Variants in HRAS observed in about 807,000 individuals in gnomAD.
The protein encoded by HRAS is GTPase HRas.
HRAS carries 11 observed loss-of-function variants against 19.8 expected under a neutral mutation model. The ratio of observed to expected loss-of-function variants is 0.55; its 90% CI spans 0.35 to 0.92. HRAS has a LOEUF of 0.92. Ranked by LOEUF, HRAS falls within the 40% of genes least tolerant of loss-of-function variation. The pLI, the probability that HRAS is intolerant of heterozygous loss-of-function variation, is 0.01. For synonymous variants in HRAS, 149 were observed against 105.5 expected, an observed-to-expected ratio of 1.41 and a Z score of -2.52; for missense variants, 204 against 255.9, an observed-to-expected ratio of 0.80 and a Z score of 1.38.
At chr11:533,642 G>C (rs375983338) in intron 3 of HRAS, 30 bp from the exon 4 acceptor site, 58 of 1,613,260 alleles carry the variant, frequency 3.6e-5, no homozygotes, top group African/African-American at 8.0e-5. Flanking sequence ...AGCTGGCTAC[G>C]GGGGCTGCAG....
At chr11:534,102 G>A (rs1002344219) in intron 2 of HRAS, 110 bp downstream of exon 2, 3 of 1,169,220 alleles carry the variant, frequency 2.6e-6, no homozygotes, top group Middle Eastern at 1.9e-4. Flanking sequence ...GCAGGAGACA[G>A]GGCCACAGCA....
At chr11:534,556 C>T (rs949494511) in intron 1 of HRAS, 181 bp from the exon 2 acceptor site, 1 of 590,180 alleles carries the variant, frequency 1.7e-6, no homozygotes, top group Non-Finnish European at 3.0e-6. Flanking sequence ...GGGCTGTCGC[C>T]TCGCCCCCAC....
Position 533,953 on chromosome 11 carries a change from G to A in HRAS, c.112-9C>T, listed in dbSNP as rs1851288449. ...TGCTTCCGGTAGGAATCCTGCAGGA[G>A]GACAGGGCTCAGGGACCCCCTCAGG... On this transcript the variant is annotated splice_polypyrimidine_tract_variant and intron_variant, in intron 2 of 5. Transcript: ENST00000311189. The A allele has an allele frequency of 4.3e-6, 7 of 1,609,288 alleles. No homozygotes were observed. The highest frequency in any genetic ancestry group is 5.1e-6 in the Non-Finnish European group (6 of 1,179,922).
intron 4 of HRAS, chr11:533,140 C>T (rs1368496124): frequency 8.2e-5 from 65 of 795,918 alleles, no homozygotes; most frequent in Non-Finnish European, 1.0e-4. Flanking sequence ...CCAGGGTCAC[C>T]GCTCCGGCCT....
chr11:534,604 G>A, intron 1 of HRAS: 1 of 543,556 alleles, frequency 1.8e-6, no homozygotes, highest in Non-Finnish European at 3.3e-6. Flanking sequence ...AAGGGACCCA[G>A]CCCTCAAAGG....
rs1361126571 is a variant in HRAS, at chr11:532,631, C to T, written c.*5G>A. ...CGGCCGCCCTGGGAGTCCCCCTCACCTGCGTCAGGAGAGCACACACTTGCA... is the reference window on the plus strand; with the variant it reads ...CGGCCGCCCTGGGAGTCCCCCTCACTTGCGTCAGGAGAGCACACACTTGCA... On this transcript the variant is annotated splice_region_variant and 3_prime_UTR_variant, in exon 5 of 6. Transcript: ENST00000311189. The T allele has an allele frequency of 1.9e-6, 3 of 1,610,430 alleles. 1 individual carries two copies. Among genetic ancestry groups the T allele is most frequent in the Middle Eastern group, 3.3e-4 (2 of 6,072 alleles).
Position 534,266 on chromosome 11 carries a change from C to T in HRAS, c.57G>A (p.Leu19=), listed in dbSNP as rs761648389. The change falls in exon 2 of 6, where the codon CTG becomes CTA. Residue 19 remains leucine, a synonymous_variant. Coordinates refer to ENST00000311189, the MANE Select transcript of HRAS (RefSeq NM_005343.4). ...VGAGGVGKSA[L]TIQLIQNHFV... is the part of the protein sequence containing the mutation. The stretch of plus-strand genomic sequence containing the variant: ...AATGGTTCTGGATCAGCTGGATGGT[C>T]AGCGCACTCTTGCCCACACCGCCGG... The T allele has an allele frequency of 2.5e-6, 4 of 1,613,702 alleles. No individual in the cohort carries two copies. Among genetic ancestry groups the T allele is most frequent in the Non-Finnish European group, 3.4e-6 (4 of 1,179,948 alleles).
Position 533,900 on chromosome 11 carries a change from C to A in HRAS, c.156G>T (p.Leu52=), listed in dbSNP as rs1060504681. The change falls in exon 3 of 6, where the codon CTG becomes CTT. Residue 52 remains leucine (L), a synonymous_variant. Transcript: ENST00000311189. ...GGCCGGCGGTATCCAGGATGTCCAA[C>A]AGGCACGTCTCCCCATCAATGACCA... ...KQVVIDGETC[L]LDILDTAGQE... 5 of 1,613,102 alleles carry A rather than the reference C, an allele frequency of 3.1e-6. No individual in the cohort carries two copies. Among genetic ancestry groups the A allele is most frequent in the Non-Finnish European group, 4.2e-6 (5 of 1,180,016 alleles).
At position 534,831 on chromosome 11, in the gene HRAS, T is replaced by C. The variant is rs113041184; in HGVS notation, c.-53-456A>G. On this transcript the variant is annotated intron_variant, in intron 1 of 5. Coordinates refer to ENST00000311189, the MANE Select transcript of HRAS (RefSeq NM_005343.4). ...CGACAAGTATTTGCTGAGCGCCTAC[T>C]GCGTACTAGGCGCCGCCGAGGGGAG... Among the ~76,000 whole-genome samples, 762 of 152,230 alleles carry C rather than the reference T, an allele frequency of 5.0e-3. 10 individuals carry two copies. The highest frequency in any genetic ancestry group is 8.2e-3 in the Non-Finnish European group (554 of 67,974).
At chr11:534,940 C>T (rs1452517679) in intron 1 of HRAS, among the ~76,000 whole-genome samples, 1 of 152,244 alleles carries the variant, frequency 6.6e-6, no homozygotes, top group Non-Finnish European at 1.5e-5. Flanking sequence ...GACAGAGGAG[C>T]TCCTGGGAAG....
intron 1 of HRAS, among the ~76,000 whole-genome samples, chr11:534,915 C>G (rs1851367003): frequency 6.6e-6 from 1 of 152,220 alleles, no homozygotes; most frequent in Non-Finnish European, 1.5e-5. Context: ...CTTTCAGCCA[C>G]AGAAAGCTGG....
intron 4 of HRAS, 83 bp from the exon 5 acceptor site, chr11:532,838 C>T (rs373475288): frequency 1.4e-6 from 2 of 1,416,616 alleles, no homozygotes; most frequent in East Asian, 2.3e-5. Flanking sequence ...GGGATCAAGC[C>T]TTGCCTGGCC....
chr11:534,968 GA>G (rs1043700304), intron 1 of HRAS, among the ~76,000 whole-genome samples: 4 of 152,228 alleles, frequency 2.6e-5, no homozygotes, highest in Non-Finnish European at 5.9e-5. Context: ...TGAGCGACAG[GA>G]AGGGGCCGAG....
intron 5 of HRAS, 47 bp downstream of exon 5, chr11:532,584 C>T (rs1471470857): frequency 1.5e-5 from 23 of 1,585,390 alleles, no homozygotes; most frequent in African/African-American, 9.4e-5. Flanking sequence ...GGCGGGGAGC[C>T]GGGGTCATCC....
intron 3 of HRAS, 29 bp from the exon 4 acceptor site, chr11:533,641 C>CG (rs1564789221): frequency 1.2e-6 from 2 of 1,613,432 alleles, no homozygotes; most frequent in South Asian, 2.2e-5. Flanking sequence ...GAGCTGGCTA[C>CG]GGGGGCTGCA....
In HRAS at chr11:532,615, T is replaced by C. The variant is rs1474696841; in HGVS notation, c.*5+16A>G. The C allele has an allele frequency of 6.2e-7, 1 of 1,605,494 alleles. No individual in the cohort carries two copies. Among genetic ancestry groups the C allele is most frequent in the South Asian group, 1.1e-5 (1 of 90,862 alleles). On this transcript the variant is annotated intron_variant, in intron 5 of 5. Transcript: ENST00000311189. The stretch of plus-strand genomic sequence containing the variant: ...CATCCGGTGGGCGTGGCGGCCGCCC[T>C]GGGAGTCCCCCTCACCTGCGTCAGG...
intron 1 of HRAS, among the ~76,000 whole-genome samples, chr11:534,896 C>A (rs959122082): frequency 6.6e-6 from 1 of 152,168 alleles, no homozygotes; most frequent in Non-Finnish European, 1.5e-5. Context: ...GGCGGGGAAC[C>A]GGGGGCATCT....
chr11:533,987 TG>T, intron 2 of HRAS, 43 bp from the exon 3 acceptor site: 3 of 1,591,000 alleles, frequency 1.9e-6, no homozygotes. Context: ...GGACCTTCCG[TG>T]GGGGGAGTTC....
At chr11:534,186 C>T (rs1300745629) in intron 2 of HRAS, 26 bp downstream of exon 2, 6 of 1,564,236 alleles carry the variant, frequency 3.8e-6, no homozygotes, top group Non-Finnish European at 5.3e-6. Flanking sequence ...CAGCTGCTGG[C>T]ACCTGGACGG....
Sources: gnomAD v4.1 joint callset for allele counts (sites outside exome capture counted in the v4.1 genomes callset) on GRCh38, gnomAD v4.1.1 for gene constraint, MANE v1.5 for transcripts, NCBI Gene and HGNC (gene_info 2026-07-23, HGNC 2026-07-21) for gene names.